CEP128: variants seen among roughly 807,000 people sequenced by gnomAD.
CEP128 encodes the protein centrosomal protein 128kDa.
A neutral mutation model predicts 156.7 loss-of-function variants in CEP128; 132 were observed. The observed-to-expected ratio is 0.84, with a 90% CI of 0.73 to 0.97. The LOEUF is 0.97. Ranked by LOEUF, CEP128 falls within the 50% of genes least tolerant of loss-of-function variation. The probability of loss-of-function intolerance (pLI) is 0.00; values close to 1 mark genes in which losing one functional copy is unlikely to be tolerated. For synonymous variants in CEP128, 469 were observed against 448.9 expected, an observed-to-expected ratio of 1.04 and a Z score of -0.57; for missense variants, 1,252 against 1,281.9, an observed-to-expected ratio of 0.98 and a Z score of 0.36.
intron 4 of CEP128, among the ~76,000 whole-genome samples, chr14:80,911,853 T>C (rs1450997835): frequency 6.6e-6 from 1 of 152,184 alleles, no homozygotes; most frequent in Non-Finnish European, 1.5e-5. Context: ...TTTAAAGAGT[T>C]TGTCATTCCC....
chr14:80,579,461 T>A (rs1485297567), intron 20 of CEP128, among the ~76,000 whole-genome samples: 2 of 152,198 alleles, frequency 1.3e-5, no homozygotes, highest in East Asian at 3.8e-4. Flanking sequence ...AGATCAATTA[T>A]ACAATTTTCT....
chr14:80,803,975 T>C (rs991698914), intron 13 of CEP128, among the ~76,000 whole-genome samples: 111 of 152,206 alleles, frequency 7.3e-4, no homozygotes, highest in African/African-American at 2.4e-3. Context: ...CATGATACAA[T>C]AGTTGTAGAT....
chr14:80,797,293 T>C (rs1400890360), intron 13 of CEP128, among the ~76,000 whole-genome samples: 1 of 152,208 alleles, frequency 6.6e-6, no homozygotes, highest in African/African-American at 2.4e-5. Context: ...TATATTAACA[T>C]GCTACATGCA....
intron 14 of CEP128, among the ~76,000 whole-genome samples, chr14:80,481,210 G>A (rs1040429810): frequency 1.3e-5 from 2 of 152,172 alleles, no homozygotes; most frequent in Non-Finnish European, 2.9e-5. Flanking sequence ...AGTTCTGCAC[G>A]GCTGGGGAGG....
intron 19 of CEP128, among the ~76,000 whole-genome samples, chr14:80,609,211 A>T (rs563222085): frequency 1.3e-5 from 2 of 152,340 alleles, no homozygotes; most frequent in African/African-American, 4.8e-5. Context: ...TTTTAAACTC[A>T]GTAAAAGCAT....
intron 19 of CEP128, among the ~76,000 whole-genome samples, chr14:80,697,349 G>A (rs1896925524): frequency 6.6e-6 from 1 of 151,966 alleles, no homozygotes; most frequent in Non-Finnish European, 1.5e-5. Flanking sequence ...GCAGGTAATG[G>A]ATTTTCTATT....
intron 19 of CEP128, among the ~76,000 whole-genome samples, chr14:80,663,324 T>C (rs539993791): frequency 6.6e-6 from 1 of 152,282 alleles, no homozygotes; most frequent in Admixed American, 6.5e-5. Context: ...TGGAGGCTAA[T>C]GTCACATAGC....
At chr14:80,879,689 A>G (rs1454590746) in intron 8 of CEP128, among the ~76,000 whole-genome samples, 1 of 152,208 alleles carries the variant, frequency 6.6e-6, no homozygotes, top group African/African-American at 2.4e-5. Flanking sequence ...CTTATAAAAA[A>G]CCATCAAGCA....
chr14:80,720,038 C>T (rs1023095036), intron 19 of CEP128, among the ~76,000 whole-genome samples: 1 of 151,906 alleles, frequency 6.6e-6, no homozygotes, highest in African/African-American at 2.4e-5. Context: ...AAGATCCCTC[C>T]GAGGAGGTGA....
intron 19 of CEP128, among the ~76,000 whole-genome samples, chr14:80,681,153 A>AC (rs1316588591): frequency 6.6e-6 from 1 of 152,080 alleles, no homozygotes; most frequent in Non-Finnish European, 1.5e-5. Context: ...AAGCCAAGAG[A>AC]CCCTACCCAT....
In CEP128 at chr14:80,545,609, C is replaced by G. The variant is rs145195836; in HGVS notation, c.2880+13670G>C. Among the ~76,000 whole-genome samples, 12 of 152,212 alleles carry G rather than the reference C, an allele frequency of 7.9e-5. No individual in the cohort carries two copies. In the East Asian group the frequency reaches 2.3e-3, roughly 29 times the overall value. Reference sequence around the variant, plus strand: ...GTTAACAAAAGGCTAAAATGAAGCTCCCTTGATCCTTGGACAGTTATGGAA... The same window carrying G: ...GTTAACAAAAGGCTAAAATGAAGCTGCCTTGATCCTTGGACAGTTATGGAA... On this transcript the variant is annotated intron_variant, in intron 21 of 24. Coordinates refer to ENST00000555265, the MANE Select transcript of CEP128 (RefSeq NM_152446.5).
chr14:80,868,193 G>C (rs1299184651), intron 8 of CEP128, among the ~76,000 whole-genome samples: 1 of 152,032 alleles, frequency 6.6e-6, no homozygotes, highest in African/African-American at 2.4e-5. Context: ...GCATATGAAA[G>C]CATAAAATTC....
intron 19 of CEP128, among the ~76,000 whole-genome samples, chr14:80,719,263 G>A (rs941461775): frequency 1.6e-4 from 24 of 152,242 alleles, no homozygotes; most frequent in Admixed American, 8.5e-4. Flanking sequence ...GCCTTTAAAT[G>A]AGTATAAATA....
chr14:80,721,854 A>T (rs1206392878), intron 19 of CEP128, among the ~76,000 whole-genome samples: 1 of 152,232 alleles, frequency 6.6e-6, no homozygotes, highest in East Asian at 1.9e-4. Flanking sequence ...GAGCAAAGTG[A>T]TAAGCATAAA....
chr14:80,758,007 A>G (rs1328688727), intron 17 of CEP128, among the ~76,000 whole-genome samples: 1 of 152,168 alleles, frequency 6.6e-6, no homozygotes, highest in African/African-American at 2.4e-5. Context: ...TCTCTACTAC[A>G]TTGCTGAATA....
downstream of CEP128, among the ~76,000 whole-genome samples, chr14:80,487,381 C>G (rs1887190518): frequency 6.6e-6 from 1 of 152,128 alleles, no homozygotes; most frequent in Admixed American, 6.5e-5. Flanking sequence ...TAAAGCAAGT[C>G]CTTAGTGACC....
At position 80,895,066 on chromosome 14, in the gene CEP128, C is replaced by T. The variant is rs115899225; in HGVS notation, c.645+652G>A. ...TTTGCAACAGTTTAGTGACCATTAA[C>T]GGTTTCCTCCTAAAAAGAAAAACAA... is the stretch of plus-strand genomic sequence containing the variant. On this transcript the variant is annotated intron_variant, in intron 8 of 24. Coordinates refer to ENST00000555265, the MANE Select transcript of CEP128 (RefSeq NM_152446.5). 7.9e-3 allele frequency among the ~76,000 whole-genome samples: 1,194 copies of T among 152,026 alleles called. 19 individuals are homozygous for T. The highest frequency in any genetic ancestry group is 0.027 in the African/African-American group (1,117 of 41,514).
chr14:80,876,560 G>A (rs1314620416), intron 8 of CEP128, among the ~76,000 whole-genome samples: 2 of 149,756 alleles, frequency 1.3e-5, no homozygotes, highest in African/African-American at 4.9e-5. Context: ...TCGTGCCACT[G>A]CACTCCAGCC....
At chr14:80,647,211 C>A (rs1197456546) in intron 19 of CEP128, among the ~76,000 whole-genome samples, 1 of 150,720 alleles carries the variant, frequency 6.6e-6, no homozygotes, top group Non-Finnish European at 1.5e-5. Flanking sequence ...CTTACAAACA[C>A]AATATATTAT....
Sources: allele counts gnomAD v4.1 joint callset (sites outside exome capture counted in the v4.1 genomes callset), GRCh38; gene constraint gnomAD v4.1.1; transcripts MANE v1.5; gene names NCBI Gene and HGNC (gene_info 2026-07-23, HGNC 2026-07-21).